OPRK1: variants seen among roughly 807,000 people sequenced by gnomAD.
OPRK1 encodes opioid receptor kappa 1.
Under a neutral mutation model 24.5 loss-of-function variants are expected in OPRK1, and 15 were observed. That is an observed-to-expected ratio of 0.61 (90% CI 0.41 to 0.94). The LOEUF is 0.94. Ranked by LOEUF, OPRK1 falls within the 40% of genes least tolerant of loss-of-function variation. The pLI is 0.00. For synonymous variants in OPRK1, 205 were observed against 198.0 expected, an observed-to-expected ratio of 1.04 and a Z score of -0.30; for missense variants, 479 against 507.3, an observed-to-expected ratio of 0.94 and a Z score of 0.54.
intron 2 of OPRK1, 35 bp from the exon 3 acceptor site, chr8:53,235,146 T>C: frequency 6.4e-7 from 1 of 1,570,894 alleles, no homozygotes; most frequent in Non-Finnish European, 8.7e-7. Flanking sequence ...TTCCCTCCAT[T>C]TTCAAGTCAA....
In OPRK1 at chr8:53,226,853, A is replaced by C. The variant is rs1188636563; in HGVS notation, c.*2444T>G. 6.6e-6 allele frequency: 1 copy of C among 152,238 alleles called. No individual in the cohort carries two copies. Among genetic ancestry groups the C allele is most frequent in the Non-Finnish European group, 1.5e-5 (1 of 68,050 alleles). 9.4% of individuals were successfully genotyped at this position (152,238 alleles called of 1,614,324 possible). A position where few individuals can be genotyped will look rare whatever the true frequency, so the allele number is the denominator to read the frequency against. On this transcript the variant is annotated 3_prime_UTR_variant, in exon 4 of 4. Transcript: ENST00000265572. ...AAGCTTGGACACCCCTTGTGGGCAC[A>C]TACAGCTACTATTCTCTCCTTGGGC...
intron 2 of OPRK1, chr8:53,242,764 C>T: frequency 3.5e-6 from 4 of 1,147,550 alleles, no homozygotes; most frequent in Non-Finnish European, 4.4e-6. Flanking sequence ...CCTCGGCCTC[C>T]CAAAGTGCTG....
At chr8:53,236,673 A>G (rs1807004703) in intron 2 of OPRK1, among the ~76,000 whole-genome samples, 1 of 152,352 alleles carries the variant, frequency 6.6e-6, no homozygotes, top group South Asian at 2.1e-4. Context: ...AAGGACAGTT[A>G]CTGAGAAGGA....
rs1758299490 is a variant in OPRK1 at position 53,226,986 on chromosome 8, G to A, written c.*2311C>T. 6.6e-6 allele frequency: 1 copy of A among 152,190 alleles called. No individual in the cohort carries two copies. Among genetic ancestry groups the A allele is most frequent in the Non-Finnish European group, 1.5e-5 (1 of 68,072 alleles). The allele number at this position is 152,190 out of a possible 1,614,324, so 9.4% of individuals were successfully genotyped here. A position where few individuals can be genotyped will look rare whatever the true frequency, so the allele number is the denominator to read the frequency against. ...AACTTAAAGGAAACAGGCCAGGCGT[G>A]GCCATTCACATCTGTAATCCCAGCA... On this transcript the variant is annotated 3_prime_UTR_variant, in exon 4 of 4. Coordinates refer to ENST00000265572, the MANE Select transcript of OPRK1 (RefSeq NM_000912.5).
At chr8:53,250,585 T>C (rs1807351947) in intron 2 of OPRK1, among the ~76,000 whole-genome samples, 196 bp downstream of exon 2, 1 of 152,122 alleles carries the variant, frequency 6.6e-6, no homozygotes, top group African/African-American at 2.4e-5. Flanking sequence ...TGTGTGAACC[T>C]CTCAGCACTC....
At chr8:53,229,953 A>G in intron 3 of OPRK1, 124 bp from the exon 4 acceptor site, 3 of 884,020 alleles carry the variant, frequency 3.4e-6, no homozygotes, top group Non-Finnish European at 5.1e-6. Flanking sequence ...GTAAGATGAC[A>G]TTACCTGAAG....
At chr8:53,246,095 G>A (rs1807220908) in intron 2 of OPRK1, among the ~76,000 whole-genome samples, 1 of 152,200 alleles carries the variant, frequency 6.6e-6, no homozygotes, top group Admixed American at 6.5e-5. Context: ...AGAGAGCTGA[G>A]AAGGCTCTGG....
In OPRK1 at chr8:53,229,840, G is replaced by T. The variant is rs77629486; in HGVS notation, c.611-11C>A. ...CAATGACATCGACGTCTGGAGGAGG[G>T]CAATAAAAACCACAACACAGAAACC... On this transcript the variant is annotated splice_polypyrimidine_tract_variant and intron_variant, in intron 3 of 3. Coordinates refer to ENST00000265572, the MANE Select transcript of OPRK1 (RefSeq NM_000912.5). 6 of 1,530,264 alleles carry T rather than the reference G, an allele frequency of 3.9e-6. No homozygotes were observed. The highest frequency in any genetic ancestry group is 5.3e-6 in the Non-Finnish European group (6 of 1,140,824). 94.8% of individuals were successfully genotyped at this position (1,530,264 alleles called of 1,614,324 possible).
intron 2 of OPRK1, among the ~76,000 whole-genome samples, chr8:53,246,501 T>C (rs1807231901): frequency 6.6e-6 from 1 of 152,162 alleles, no homozygotes; most frequent in South Asian, 2.1e-4. Context: ...GTTTGTAAGA[T>C]GACAGATGCT....
At chr8:53,248,252 T>C (rs145790271) in intron 2 of OPRK1, among the ~76,000 whole-genome samples, 1 of 151,446 alleles carries the variant, frequency 6.6e-6, no homozygotes, top group African/African-American at 2.4e-5. Flanking sequence ...AAGCTATTTG[T>C]AAGGCAGGCC....
Position 53,229,497 on chromosome 8 carries a change from A to G in OPRK1, c.943T>C (p.Cys315Arg), listed in dbSNP as rs1806798769. ...STAALSSYYF[C>R]IALGYTNSSL... Reference sequence around the variant, plus strand: ...CTGTTGGTATAGCCTAAGGCGATGCAGAAGTAATAGCTGGAGAGAGCAGCT... The same window carrying G: ...CTGTTGGTATAGCCTAAGGCGATGCGGAAGTAATAGCTGGAGAGAGCAGCT... Residue 315 changes from cysteine to arginine, a missense_variant, in exon 4 of 4, where the codon TGC becomes CGC. By Grantham distance (180) the Cys-to-Arg change is radical (BLOSUM62 -3). Coordinates refer to ENST00000265572, the MANE Select transcript of OPRK1 (RefSeq NM_000912.5). The G allele has an allele frequency of 6.2e-7, 1 of 1,614,232 alleles. No individual in the cohort carries two copies. The highest frequency in any genetic ancestry group is 8.5e-7 in the Non-Finnish European group (1 of 1,180,038).
chr8:53,232,262 G>T (rs144187455), intron 3 of OPRK1, among the ~76,000 whole-genome samples: 11 of 152,162 alleles, frequency 7.2e-5, no homozygotes, highest in Non-Finnish European at 1.6e-4. Context: ...TGGGGAGGGG[G>T]ATATACAGGG....
chr8:53,243,811 A>G (rs1379631245), intron 2 of OPRK1, among the ~76,000 whole-genome samples: 3 of 152,234 alleles, frequency 2.0e-5, no homozygotes, highest in Non-Finnish European at 4.4e-5. Context: ...GACAGTTTCA[A>G]GAAAAATTAG....
rs760556929 is a variant in OPRK1, at chr8:53,226,128, T to C, written c.*3169A>G. ...AATAGTTATACACGTTTAAGAACTG[T>C]ATTTCTTAGTAATATATCACAGAAT... On this transcript the variant is annotated 3_prime_UTR_variant, in exon 4 of 4. Coordinates refer to ENST00000265572, the MANE Select transcript of OPRK1 (RefSeq NM_000912.5). 2.0e-5 allele frequency: 3 copies of C among 152,210 alleles called. No individual in the cohort carries two copies. Among genetic ancestry groups the C allele is most frequent in the Non-Finnish European group, 2.9e-5 (2 of 68,040 alleles). 9.4% of individuals were successfully genotyped at this position (152,210 alleles called of 1,614,324 possible). A position where few individuals can be genotyped will look rare whatever the true frequency, so the allele number is the denominator to read the frequency against.
chr8:53,229,969 C>A, intron 3 of OPRK1, 140 bp from the exon 4 acceptor site: 1 of 722,434 alleles, frequency 1.4e-6, no homozygotes, highest in East Asian at 2.8e-5. Flanking sequence ...TGAAGTAGAT[C>A]ACCAAATTAC....
chr8:53,236,886 C>T (rs1807008194), intron 2 of OPRK1, among the ~76,000 whole-genome samples: 1 of 151,766 alleles, frequency 6.6e-6, no homozygotes, highest in Non-Finnish European at 1.5e-5. Context: ...CTGATATTCC[C>T]CTCTTTCTTT....
At chr8:53,237,021 C>T (rs1179750646) in intron 2 of OPRK1, among the ~76,000 whole-genome samples, 1 of 152,136 alleles carries the variant, frequency 6.6e-6, no homozygotes, top group Non-Finnish European at 1.5e-5. Context: ...GTTTCCCCAA[C>T]TATAAAATGG....
chr8:53,250,884 C>G lies in OPRK1; in HGVS notation c.154G>C (p.Ala52Pro). 3 of 1,612,832 alleles carry G rather than the reference C, an allele frequency of 1.9e-6. No individual in the cohort carries two copies. The highest frequency in any genetic ancestry group is 2.5e-6 in the Non-Finnish European group (3 of 1,179,664). ...ACCGGGATGGCCGGGGAGATGTGCG[C>G]GGGCTCCAGCTGCGCGTCCTCCGAG... ...AGSEDAQLEP[A>P]HISPAIPVII... Residue 52 changes from alanine (A) to proline (P), a missense_variant, in exon 2 of 4, where the codon GCG (alanine) becomes CCG (proline). Physicochemically the swap from Ala to Pro is conservative, Grantham distance 27. Coordinates refer to ENST00000265572, the MANE Select transcript of OPRK1 (RefSeq NM_000912.5).
At chr8:53,251,153 T>C (rs1807386035) in intron 1 of OPRK1, 68 bp from the exon 2 acceptor site, 1 of 1,391,166 alleles carries the variant, frequency 7.2e-7, no homozygotes, top group Non-Finnish European at 9.3e-7. Context: ...CCAGCGGCGC[T>C]GGGGACCCGG....
Sources: allele counts gnomAD v4.1 joint callset (sites outside exome capture counted in the v4.1 genomes callset), GRCh38; gene constraint gnomAD v4.1.1; transcripts MANE v1.5; gene names NCBI Gene and HGNC (gene_info 2026-07-23, HGNC 2026-07-21).